Variants in CLEC16A observed in about 807,000 individuals in gnomAD.
CLEC16A encodes the protein C-type lectin domain containing 16A.
In CLEC16A, 51 loss-of-function variants were observed where a neutral mutation model predicts 109.5. The ratio of observed to expected loss-of-function variants is 0.47; its 90% confidence interval spans 0.37 to 0.59. CLEC16A has a LOEUF of 0.59. Among genes scored for constraint, CLEC16A ranks in the 20% least tolerant of loss-of-function variants. The pLI, the probability that CLEC16A is intolerant of heterozygous loss-of-function variation, is 0.00. For missense variants in CLEC16A, 1,339 were observed against 1,394.0 expected (o/e 0.96, Z 0.63); for synonymous variants, 673 against 564.2 (o/e 1.19, Z -2.73).
At position 11,114,222 on chromosome 16, in the gene CLEC16A, G is replaced by C. The variant is rs577097516; in HGVS notation, c.2117-6393G>C. On this transcript the variant is annotated intron_variant, in intron 19 of 23. Transcript: ENST00000409790. ...CCTGGCTGCCCCCTTCCCCTCATCT[G>C]TGAATGGCCTATGCAAATCCTTCAC... Among the ~76,000 whole-genome samples the C allele has an allele frequency of 4.6e-5, 7 of 151,154 alleles. No homozygotes were observed. The East Asian group carries it at 1.2e-3, about 25-fold the overall frequency.
At chr16:11,150,564 G>C (rs764711439) in intron 22 of CLEC16A, among the ~76,000 whole-genome samples, 1 of 152,178 alleles carries the variant, frequency 6.6e-6, no homozygotes, top group Non-Finnish European at 1.5e-5. Flanking sequence ...CAAGTCACAA[G>C]GTTTTGTTTT....
Position 10,969,382 on chromosome 16 carries a change from C to A in CLEC16A, c.492+73C>A, listed in dbSNP as rs1337926083. Reference sequence around the variant, plus strand: ...CTTTTTTTTTTTTTTTTTACGGCAGCGCCTTATATCTGGATGGTCTTGTGT... The same window carrying A: ...CTTTTTTTTTTTTTTTTTACGGCAGAGCCTTATATCTGGATGGTCTTGTGT... On this transcript the variant is annotated intron_variant, in intron 4 of 23. Coordinates refer to ENST00000409790, the MANE Select transcript of CLEC16A (RefSeq NM_015226.3). The A allele has an allele frequency of 9.8e-6, 10 of 1,021,606 alleles. 1 individual carries two copies. The highest frequency in any genetic ancestry group is 4.2e-4 in the Middle Eastern group (2 of 4,760). 63.3% of individuals were successfully genotyped at this position (1,021,606 alleles called of 1,614,324 possible). A position where few individuals can be genotyped will look rare whatever the true frequency, so the allele number is the denominator to read the frequency against.
rs766675571 is a variant in CLEC16A, at chr16:11,020,250, C to G, written c.1361C>G (p.Ser454Cys). ...CTCTCAGAGCTGGCCGCCAGCACCTCCGTGCAGGAGCAGAACACCACGGAC... is the reference window on the plus strand; with the variant it reads ...CTCTCAGAGCTGGCCGCCAGCACCTGCGTGCAGGAGCAGAACACCACGGAC... ...SKLSELAAST[S>C]VQEQNTTDEE... Residue 454 changes from serine to cysteine, a missense_variant, in exon 12 of 24, where the codon TCC (serine) becomes TGC (cysteine). By Grantham distance (112) the Ser-to-Cys change is moderately radical. Transcript: ENST00000409790. The G allele has an allele frequency of 1.2e-6, 2 of 1,613,842 alleles. No homozygotes were observed. Among genetic ancestry groups the G allele is most frequent in the East Asian group, 2.2e-5 (1 of 44,874 alleles).
chr16:11,121,661 C>G (rs1039428680), intron 20 of CLEC16A, among the ~76,000 whole-genome samples: 1 of 151,602 alleles, frequency 6.6e-6, no homozygotes, highest in South Asian at 2.1e-4. Context: ...AGGTGGATCA[C>G]TTGAGGTCAG....
chr16:11,047,377 T>A, intron 17 of CLEC16A, 35 bp downstream of exon 17: 2 of 1,542,460 alleles, frequency 1.3e-6, no homozygotes, highest in South Asian at 2.5e-5. Flanking sequence ...TGGGCTGGTG[T>A]GCGCCTGTGT....
At chr16:10,987,872 T>A (rs1358541115) in intron 10 of CLEC16A, among the ~76,000 whole-genome samples, 1 of 152,222 alleles carries the variant, frequency 6.6e-6, no homozygotes, top group Non-Finnish European at 1.5e-5. Flanking sequence ...TGGTATTGCC[T>A]CATTTTTACC....
intron 19 of CLEC16A, among the ~76,000 whole-genome samples, chr16:11,081,006 G>A (rs554288595): frequency 1.3e-5 from 2 of 152,358 alleles, no homozygotes; most frequent in Admixed American, 1.3e-4. Flanking sequence ...GCAGAAACTG[G>A]CAGCAGATGG....
intron 22 of CLEC16A, among the ~76,000 whole-genome samples, chr16:11,144,988 A>G (rs942351723): frequency 2.0e-5 from 3 of 152,190 alleles, no homozygotes; most frequent in Non-Finnish European, 4.4e-5. Flanking sequence ...AGGCTCTGGA[A>G]GGAAGTCTTA....
chr16:11,159,141 A>G (rs1224553113), intron 22 of CLEC16A, among the ~76,000 whole-genome samples: 1 of 152,200 alleles, frequency 6.6e-6, no homozygotes, highest in Non-Finnish European at 1.5e-5. Flanking sequence ...ACTGAGGTCC[A>G]TGTTCTCCTG....
intron 10 of CLEC16A, among the ~76,000 whole-genome samples, chr16:10,992,291 C>CTGCATCCG (rs368929324): frequency 6.6e-6 from 1 of 152,036 alleles, no homozygotes; most frequent in African/African-American, 2.4e-5. Flanking sequence ...CCCTGCATCC[C>CTGCATCCG]CTCCCTGCCC....
intron 13 of CLEC16A, among the ~76,000 whole-genome samples, chr16:11,031,808 A>C (rs1225104086): frequency 6.6e-6 from 1 of 152,226 alleles, no homozygotes; most frequent in Non-Finnish European, 1.5e-5. Context: ...CTGAGGGTAG[A>C]GGGTACTACA....
intron 18 of CLEC16A, 46 bp downstream of exon 18, chr16:11,051,687 G>C: frequency 6.2e-7 from 1 of 1,604,164 alleles, no homozygotes; most frequent in East Asian, 2.2e-5. Context: ...CTGTTCTCCA[G>C]AACCACTCCC....
chr16:11,104,617 C>A (rs2051110845), intron 19 of CLEC16A, among the ~76,000 whole-genome samples: 1 of 152,146 alleles, frequency 6.6e-6, no homozygotes, highest in African/African-American at 2.4e-5. Flanking sequence ...AACTTCTCTC[C>A]AGAGGGAGGA....
rs776285118 is a variant in CLEC16A, at chr16:11,020,222, A to C, written c.1333A>C (p.Lys445Gln). The part of the protein sequence containing the change: ...EIEMVIMERS[K>Q]LSELAASTSV... ...CGAGATGGTGATCATGGAGCGTAGC[A>C]AGCTCTCAGAGCTGGCCGCCAGCAC... The change falls in exon 12 of 24, where the codon AAG becomes CAG. Residue 445 changes from lysine (K) to glutamine (Q), a missense_variant. By Grantham distance (53) the Lys-to-Gln change is moderately conservative. Around this residue, in one of 3 missense-constraint regions of CLEC16A, gnomAD observed 1,061 missense variants for 1,006.8 expected, o/e 1.05. Transcript: ENST00000409790. 15 of 1,613,382 alleles carry C rather than the reference A, an allele frequency of 9.3e-6. No individual in the cohort carries two copies. The East Asian group carries it at 3.3e-4, about 36-fold the overall frequency.
intron 19 of CLEC16A, among the ~76,000 whole-genome samples, chr16:11,062,263 C>G (rs2048522535): frequency 6.6e-6 from 1 of 152,132 alleles, no homozygotes; most frequent in East Asian, 1.9e-4. Context: ...CACAGGGCCA[C>G]TCTCTGTAGC....
chr16:11,171,420 G>A (rs1455999759), intron 23 of CLEC16A, among the ~76,000 whole-genome samples: 1 of 152,188 alleles, frequency 6.6e-6, no homozygotes, highest in African/African-American at 2.4e-5. Context: ...TGTGCCCCAG[G>A]GCACTTTAAT....
At chr16:10,996,434 A>G (rs2044331864) in intron 10 of CLEC16A, among the ~76,000 whole-genome samples, 1 of 152,316 alleles carries the variant, frequency 6.6e-6, no homozygotes, top group South Asian at 2.1e-4. Flanking sequence ...TAGCAGAAGT[A>G]AAAGGTGAGT....
chr16:11,113,937 T>C (rs1266225905), intron 19 of CLEC16A, among the ~76,000 whole-genome samples: 3 of 152,202 alleles, frequency 2.0e-5, no homozygotes, highest in African/African-American at 7.2e-5. Context: ...AAACTTTCGG[T>C]TTTAATAAAT....
At chr16:11,095,577 C>T (rs1386357434) in intron 19 of CLEC16A, among the ~76,000 whole-genome samples, 8 of 152,054 alleles carry the variant, frequency 5.3e-5, no homozygotes, top group South Asian at 2.1e-4. Flanking sequence ...TTTGGGAGGC[C>T]GAGGCAGGCA....
Sources: gnomAD v4.1 joint callset for allele counts (sites outside exome capture counted in the v4.1 genomes callset) on GRCh38, gnomAD v4.1.1 for gene constraint, gnomAD v4.1.1 regional missense constraint, MANE v1.5 for transcripts, NCBI Gene and HGNC (gene_info 2026-07-23, HGNC 2026-07-21) for gene names.